The following FRAS1 variants were observed in gnomAD, a reference collection of about 807,000 sequenced individuals.
FRAS1 encodes the protein Fraser extracellular matrix complex subunit 1.
A neutral mutation model predicts 435.2 loss-of-function variants in FRAS1; 290 were observed. The observed-to-expected ratio is 0.67, with a 90% CI of 0.61 to 0.73. The LOEUF (loss-of-function observed/expected upper bound fraction) is 0.73, where lower values mean the gene tolerates loss of function less well. FRAS1 is among the 30% of genes least tolerant of loss of function. The probability of loss-of-function intolerance (pLI) is 0.00; values close to 1 mark genes in which losing one functional copy is unlikely to be tolerated. For missense variants in FRAS1, 4,860 were observed against 5,001.5 expected (o/e 0.97, Z 0.85); for synonymous variants, 1,800 against 1,851.0 (o/e 0.97, Z 0.71).
chr4:78,455,205 A>C (rs1719151120), intron 47 of FRAS1, among the ~76,000 whole-genome samples: 1 of 152,206 alleles, frequency 6.6e-6, no homozygotes, highest in South Asian at 2.1e-4. Flanking sequence ...TCAGTTAGCC[A>C]GGACTGTCTC....
chr4:78,521,718 A>C (rs973018749), intron 68 of FRAS1, 88 bp downstream of exon 68: 7 of 795,590 alleles, frequency 8.8e-6, no homozygotes, highest in Non-Finnish European at 1.4e-5. Context: ...ACAGTAAAAA[A>C]CAGTCAACAA....
intron 65 of FRAS1, among the ~76,000 whole-genome samples, 197 bp from the exon 66 acceptor site, chr4:78,515,602 C>A (rs1335671042): frequency 6.6e-6 from 1 of 152,154 alleles, no homozygotes; most frequent in Non-Finnish European, 1.5e-5. Flanking sequence ...CATTCAACAC[C>A]TGGCAACAGC....
chr4:78,310,572 A>G (rs1410638842), intron 15 of FRAS1, among the ~76,000 whole-genome samples: 1 of 152,242 alleles, frequency 6.6e-6, no homozygotes, highest in Non-Finnish European at 1.5e-5. Context: ...TAAACACGTC[A>G]TGTGCTTAGC....
intron 66 of FRAS1, 143 bp from the exon 67 acceptor site, chr4:78,519,188 T>C: frequency 1.7e-6 from 1 of 605,184 alleles, no homozygotes; most frequent in Non-Finnish European, 2.6e-6. Flanking sequence ...AATAAGTAAG[T>C]GCAATCATGG....
In FRAS1 at chr4:78,521,608, C is replaced by G. The variant is rs758492674; in HGVS notation, c.10626C>G (p.Phe3542Leu). 1.9e-6 allele frequency: 3 copies of G among 1,608,384 alleles called. No individual in the cohort carries two copies. The Admixed American group carries it at 5.1e-5, about 27-fold the overall frequency. ...AGGATGGCCGTCTTGTCATTGAATT[C>G]AAGACCCATGCCAAATTCAGAGGTA... ...IREDGRLVIEFKTHAKFRGQF... is the reference protein window; with the variant it reads ...IREDGRLVIELKTHAKFRGQF... The change falls in exon 68 of 74, where the codon TTC (phenylalanine) becomes TTG (leucine). Residue 3542 changes from phenylalanine (F) to leucine (L), a missense_variant. By Grantham distance (22) the Phe-to-Leu change is conservative (BLOSUM62 0). Coordinates refer to ENST00000512123, the MANE Select transcript of FRAS1 (RefSeq NM_025074.7).
At chr4:78,114,327 C>T (rs1023588865) in intron 2 of FRAS1, among the ~76,000 whole-genome samples, 19 of 152,024 alleles carry the variant, frequency 1.2e-4, no homozygotes, top group African/African-American at 4.6e-4. Flanking sequence ...TTTTTTGGTT[C>T]CATATGAACT....
chr4:78,337,771 C>T lies in FRAS1; in HGVS notation c.2376C>T (p.Thr792=). 1 of 1,613,830 alleles carries T rather than the reference C, an allele frequency of 6.2e-7. No homozygotes were observed. Among genetic ancestry groups the T allele is most frequent in the Non-Finnish European group, 8.5e-7 (1 of 1,179,790 alleles). Residue 792 remains threonine, a synonymous_variant, in exon 20 of 74, where the codon ACC becomes ACT. Coordinates refer to ENST00000512123, the MANE Select transcript of FRAS1 (RefSeq NM_025074.7). ...HISLTNGNCR[T]SCREEQFLNL... ...CTCTTACCAATGGTAACTGCAGGAC[C>T]AGCTGCAGGGAAGAGCAGTTCCTCA... is the stretch of plus-strand genomic sequence containing the variant.
intron 2 of FRAS1, among the ~76,000 whole-genome samples, chr4:78,225,589 A>G (rs1724235294): frequency 6.6e-6 from 1 of 152,122 alleles, no homozygotes; most frequent in South Asian, 2.1e-4. Flanking sequence ...CCAGCTCAAG[A>G]GCAGATGTAA....
chr4:78,332,457 GTC>G (rs1371806683), intron 18 of FRAS1, among the ~76,000 whole-genome samples: 1 of 152,142 alleles, frequency 6.6e-6, no homozygotes, highest in Admixed American at 6.5e-5. Context: ...TTTGCCTTTA[GTC>G]TCTTTTCACC....
chr4:78,388,227 A>G (rs1732298872), intron 29 of FRAS1, among the ~76,000 whole-genome samples: 1 of 151,126 alleles, frequency 6.6e-6, no homozygotes, highest in Non-Finnish European at 1.5e-5. Flanking sequence ...CGGGAGGCTG[A>G]GGCAGGAGAA....
At chr4:78,442,894 A>T (rs1734713041) in intron 41 of FRAS1, among the ~76,000 whole-genome samples, 1 of 152,206 alleles carries the variant, frequency 6.6e-6, no homozygotes, top group Non-Finnish European at 1.5e-5. Context: ...ACACTTAGAG[A>T]ACTGCTGCTC....
At chr4:78,063,042 T>C (rs1459341811) in intron 1 of FRAS1, among the ~76,000 whole-genome samples, 1 of 152,224 alleles carries the variant, frequency 6.6e-6, no homozygotes, top group Non-Finnish European at 1.5e-5. Flanking sequence ...AGAATTCACC[T>C]TGAGCTGGAA....
chr4:78,090,689 T>A (rs1741471825), intron 2 of FRAS1, among the ~76,000 whole-genome samples: 1 of 152,170 alleles, frequency 6.6e-6, no homozygotes, highest in Admixed American at 6.5e-5. Context: ...GAAAAATGAT[T>A]TTCTCATTGT....
At chr4:78,394,262 A>G (rs547076216) in intron 29 of FRAS1, among the ~76,000 whole-genome samples, 1 of 151,956 alleles carries the variant, frequency 6.6e-6, no homozygotes, top group East Asian at 1.9e-4. Context: ...CGTGATTTCA[A>G]TGCCATATCC....
At chr4:78,379,621 G>A in intron 26 of FRAS1, 105 bp from the exon 27 acceptor site, 1 of 1,081,264 alleles carries the variant, frequency 9.2e-7, no homozygotes. Flanking sequence ...TTTATTCTCT[G>A]GAAATTGTAA....
intron 14 of FRAS1, among the ~76,000 whole-genome samples, chr4:78,307,865 C>T (rs1325647947): frequency 6.6e-6 from 1 of 152,190 alleles, no homozygotes; most frequent in Non-Finnish European, 1.5e-5. Context: ...CCTATTCGGC[C>T]ATCTTGGCTC....
At chr4:78,417,369 G>C (rs1368114052) in intron 32 of FRAS1, among the ~76,000 whole-genome samples, 1 of 152,100 alleles carries the variant, frequency 6.6e-6, no homozygotes. Flanking sequence ...TGATAGTTTT[G>C]ATATTAAAAG....
At position 78,539,384 on chromosome 4, in the gene FRAS1, G is replaced by T. The variant is rs769787184; in HGVS notation, c.11389G>T (p.Val3797Phe). ...CTCTGAGTTGCCTGATTTCCATGTG[G>T]TCAGTAACATGCCAGGTGTGGATGG... ...FASELPDFHV[V>F]SNMPGVDGFT... Residue 3797 changes from valine to phenylalanine, a missense_variant, in exon 73 of 74, where the codon GTC (valine) becomes TTC (phenylalanine). Transcript: ENST00000512123. 6.8e-6 allele frequency: 11 copies of T among 1,612,016 alleles called. No individual in the cohort carries two copies. The highest frequency in any genetic ancestry group is 9.3e-6 in the Non-Finnish European group (11 of 1,179,148).
chr4:78,102,904 A>C (rs566033898), intron 2 of FRAS1, among the ~76,000 whole-genome samples: 1 of 152,344 alleles, frequency 6.6e-6, no homozygotes, highest in Non-Finnish European at 1.5e-5. Flanking sequence ...TAGATAACAA[A>C]ACGCTTTTGG....
Sources: allele counts gnomAD v4.1 joint callset (sites outside exome capture counted in the v4.1 genomes callset), GRCh38; gene constraint gnomAD v4.1.1; transcripts MANE v1.5; gene names NCBI Gene and HGNC (gene_info 2026-07-23, HGNC 2026-07-21).